ATAD2B: variants seen among roughly 807,000 people sequenced by gnomAD.
ATAD2B encodes the protein ATPase family AAA domain containing 2B, also known as ATPase family AAA domain-containing protein 2B.
A neutral mutation model predicts 167.6 loss-of-function variants in ATAD2B; 40 were observed. The ratio of observed to expected loss-of-function variants is 0.24; its 90% CI spans 0.19 to 0.31. ATAD2B has a LOEUF of 0.31. ATAD2B is among the 10% of genes least tolerant of loss of function. The pLI, the probability that ATAD2B is intolerant of heterozygous loss-of-function variation, is 1.00. For missense variants in ATAD2B, 1,242 were observed against 1,757.2 expected (o/e 0.71, Z 5.24); for synonymous variants, 579 against 596.5 (o/e 0.97, Z 0.43).
chr2:23,755,171 A>T, intron 25 of ATAD2B: 1 of 151,518 alleles, frequency 6.6e-6, no homozygotes, highest in Non-Finnish European at 1.5e-5. Context: ...GATACTAACA[A>T]AAGTGGGGCC....
At chr2:23,904,031 T>C (rs1418647287) in intron 1 of ATAD2B, among the ~76,000 whole-genome samples, 2 of 151,874 alleles carry the variant, frequency 1.3e-5, no homozygotes. Flanking sequence ...GAATTAAAAT[T>C]GGAAAGTTAG....
intron 2 of ATAD2B, among the ~76,000 whole-genome samples, chr2:23,895,553 G>A (rs369370608): frequency 1.3e-5 from 2 of 151,624 alleles, no homozygotes; most frequent in African/African-American, 4.8e-5. Flanking sequence ...AAATTTTCAG[G>A]ACTATAAACA....
At chr2:23,842,069 T>G (rs1335937261) in intron 13 of ATAD2B, among the ~76,000 whole-genome samples, 3 of 152,196 alleles carry the variant, frequency 2.0e-5, no homozygotes, top group Non-Finnish European at 4.4e-5. Context: ...AATCTGACAA[T>G]CTTTGTCTTT....
chr2:23,860,113 T>G (rs549010126), intron 12 of ATAD2B, among the ~76,000 whole-genome samples: 177 of 152,276 alleles, frequency 1.2e-3, no homozygotes, highest in African/African-American at 4.2e-3. Flanking sequence ...CCCCATCTTG[T>G]GCATTCTCTC....
At chr2:23,692,427 G>A in the ATAD2B span, among the ~76,000 whole-genome samples, 5 of 152,220 alleles carry the variant, frequency 3.3e-5, no homozygotes, top group Non-Finnish European at 5.9e-5. Context: ...ATGCTACCCC[G>A]CATGGGCGAC....
At position 23,780,610 on chromosome 2, in the gene ATAD2B, A is replaced by C. The variant is rs556924793; in HGVS notation, c.3133+2259T>G. On this transcript the variant is annotated intron_variant, in intron 22 of 27. Coordinates refer to ENST00000238789, the MANE Select transcript of ATAD2B (RefSeq NM_017552.4). The stretch of plus-strand genomic sequence containing the variant: ...CTGCCTCAAAATACAGATACAAAAC[A>C]AAGCACAGGCCAGGCGCGGTGGCTC... Among the ~76,000 whole-genome samples the C allele has an allele frequency of 2.6e-5, 4 of 152,140 alleles. No individual in the cohort carries two copies. The South Asian group carries it at 8.3e-4, about 32-fold the overall frequency.
At chr2:23,748,604 CTAGAAAAGTA>C (rs1363091047), downstream of ATAD2B, 5 of 152,118 alleles carry the variant, frequency 3.3e-5, no homozygotes, top group African/African-American at 1.2e-4. Context: ...TCTAAATCAG[CTAGAAAAGTA>C]GCACTGCATT....
chr2:23,893,723 G>C (rs375255007), intron 2 of ATAD2B, among the ~76,000 whole-genome samples: 3 of 148,142 alleles, frequency 2.0e-5, no homozygotes, highest in East Asian at 4.0e-4. Context: ...GGGATGGAGT[G>C]CGATGGCGTG....
intron 13 of ATAD2B, among the ~76,000 whole-genome samples, chr2:23,841,474 T>C (rs879394220): frequency 7.9e-5 from 12 of 152,142 alleles, no homozygotes; most frequent in Non-Finnish European, 1.5e-4. Flanking sequence ...CATAGCATAA[T>C]GTCTTCAAGA....
At chr2:23,743,332 C>T in the ATAD2B span, among the ~76,000 whole-genome samples, 2 of 151,824 alleles carry the variant, frequency 1.3e-5, no homozygotes, top group Non-Finnish European at 2.9e-5. Flanking sequence ...TTTGGGAGGC[C>T]GAGGCAGGTG....
chr2:23,808,444 T>A (rs565289318), intron 18 of ATAD2B, among the ~76,000 whole-genome samples: 1 of 151,762 alleles, frequency 6.6e-6, no homozygotes, highest in East Asian at 1.9e-4. Flanking sequence ...TCAGCAACTT[T>A]TAGTTTTCTT....
intron 22 of ATAD2B, among the ~76,000 whole-genome samples, chr2:23,781,662 C>T (rs1483999175): frequency 6.6e-6 from 1 of 150,810 alleles, no homozygotes; most frequent in Non-Finnish European, 1.5e-5. Context: ...GAGATTCCAT[C>T]TCAAAAAAAT....
At chr2:23,704,805 C>G in the ATAD2B span, among the ~76,000 whole-genome samples, 1 of 152,224 alleles carries the variant, frequency 6.6e-6, no homozygotes, top group African/African-American at 2.4e-5. Context: ...ATTGTCAGGA[C>G]TCCCATAGCA....
At chr2:23,836,855 G>A (rs561771175) in intron 13 of ATAD2B, among the ~76,000 whole-genome samples, 1 of 152,266 alleles carries the variant, frequency 6.6e-6, no homozygotes, top group South Asian at 2.1e-4. Flanking sequence ...GGACTCGGGG[G>A]AAGGAAGTGC....
Position 23,876,034 on chromosome 2 carries a change from G to T in ATAD2B, c.902-130C>A, listed in dbSNP as rs141086871. ...TTTTGAGACAGAGTCTTGCTCTAAC[G>T]CCAGGCTGGAATGCAGTGGCGCGAT... On this transcript the variant is annotated intron_variant, in intron 7 of 27. Transcript: ENST00000238789. 1.3e-5 allele frequency: 9 copies of T among 683,170 alleles called. No homozygotes were observed. In the African/African-American group the frequency reaches 1.6e-4, roughly 12 times the overall value. The allele number at this position is 683,170 out of a possible 1,614,324, so 42.3% of individuals were successfully genotyped here. A position where few individuals can be genotyped will look rare whatever the true frequency, so the allele number is the denominator to read the frequency against.
At chr2:23,891,896 C>T (rs767443615) in intron 2 of ATAD2B, among the ~76,000 whole-genome samples, 3 of 152,184 alleles carry the variant, frequency 2.0e-5, no homozygotes, top group Non-Finnish European at 4.4e-5. Context: ...CTGGGGCACA[C>T]GCTATTGCAA....
the ATAD2B span, chr2:23,684,508 C>T: frequency 6.5e-7 from 1 of 1,550,144 alleles, no homozygotes; most frequent in Non-Finnish European, 8.7e-7. The surrounding 1 kb of genome is among the most constrained non-coding windows in gnomAD (Gnocchi z 4.4). Flanking sequence ...TAGCTTCCTG[C>T]AGCTTGTATT....
At chr2:23,713,389 CTTTT>C in the ATAD2B span, among the ~76,000 whole-genome samples, 1 of 133,922 alleles carries the variant, frequency 7.5e-6, no homozygotes, top group African/African-American at 2.6e-5. Context: ...GCTATAGCCC[CTTTT>C]TTATGGAGGT....
At chr2:23,830,252 G>A (rs983804513) in intron 14 of ATAD2B, among the ~76,000 whole-genome samples, 11 of 152,124 alleles carry the variant, frequency 7.2e-5, no homozygotes, top group African/African-American at 2.7e-4. Context: ...CCAAAGTGCT[G>A]GGATTACAGG....
Sources: gnomAD v4.1 joint callset for allele counts (sites outside exome capture counted in the v4.1 genomes callset) on GRCh38, gnomAD v4.1.1 for gene constraint, Gnocchi (gnomAD v3.1) non-coding constraint, MANE v1.5 for transcripts, NCBI Gene and HGNC (gene_info 2026-07-23, HGNC 2026-07-21) for gene names.